The following TMEM266 variants were observed in gnomAD, a reference collection of about 807,000 sequenced individuals.
TMEM266 encodes the protein transmembrane protein 266, also known as Hv1 related protein 1.
Under a neutral mutation model 50.5 loss-of-function variants are expected in TMEM266, and 33 were observed. The ratio of observed to expected loss-of-function variants is 0.65; its 90% CI spans 0.50 to 0.87. The LOEUF (loss-of-function observed/expected upper bound fraction) is 0.87. TMEM266 is among the 40% of genes least tolerant of loss of function. The probability of loss-of-function intolerance (pLI) is 0.00; values close to 1 mark genes in which losing one functional copy is unlikely to be tolerated. For missense variants in TMEM266, 655 were observed against 695.1 expected (o/e 0.94, Z 0.65); for synonymous variants, 310 against 292.3 (o/e 1.06, Z -0.62).
chr15:76,181,573 TTG>T (rs917493489), intron 8 of TMEM266: 14 of 152,334 alleles, frequency 9.2e-5, no homozygotes, highest in Admixed American at 7.8e-4. Context: ...GTTTGTTTGT[TTG>T]TTTTTGGTGA....
intron 1 of TMEM266, among the ~76,000 whole-genome samples, chr15:76,127,464 C>A (rs1189371347): frequency 6.6e-6 from 1 of 151,996 alleles, no homozygotes; most frequent in Non-Finnish European, 1.5e-5. Context: ...GCAGCTGAGA[C>A]TATAGGTGCA....
intron 3 of TMEM266, among the ~76,000 whole-genome samples, chr15:76,156,127 G>T (rs547253711): frequency 6.6e-6 from 1 of 152,204 alleles, no homozygotes; most frequent in Admixed American, 6.5e-5. Context: ...TTGGAAGGCC[G>T]AGGTGGGCAG....
chr15:76,102,575 A>C (rs775131617), intron 1 of TMEM266, among the ~76,000 whole-genome samples: 1 of 152,142 alleles, frequency 6.6e-6, no homozygotes, highest in Non-Finnish European at 1.5e-5. Context: ...GCGGTGGCTC[A>C]TGCCTGTAAT....
chr15:76,202,052 A>ACCC (rs1244892638), intron 9 of TMEM266, 150 bp from the exon 10 acceptor site: 2 of 629,282 alleles, frequency 3.2e-6, no homozygotes, highest in East Asian at 5.7e-5. Flanking sequence ...GGTGGTCCCC[A>ACCC]TGGAGAACTA....
At position 76,203,976 on chromosome 15, in the gene TMEM266, C is replaced by T; in HGVS notation, c.1257C>T (p.Ser419=). Residue 419 remains serine, a synonymous_variant, in exon 11 of 11, where the codon TCC becomes TCT. Coordinates refer to ENST00000388942, the MANE Select transcript of TMEM266 (RefSeq NM_152335.3). ...GCAGCACTGCCCGCGAGGAGCCGTC[C>T]TCTGAGCCCGGCCCTTCTCCCCCGC... The T allele has an allele frequency of 6.2e-7, 1 of 1,610,362 alleles. No homozygotes were observed. The highest frequency in any genetic ancestry group is 1.1e-5 in the South Asian group (1 of 90,974).
chr15:76,094,631 A>G (rs2036897543), intron 1 of TMEM266, among the ~76,000 whole-genome samples: 1 of 151,970 alleles, frequency 6.6e-6, no homozygotes, highest in Non-Finnish European at 1.5e-5. Flanking sequence ...TTTTTAATGT[A>G]GTTTTTTCCA....
intron 1 of TMEM266, among the ~76,000 whole-genome samples, chr15:76,131,096 G>A (rs1376263424): frequency 6.6e-6 from 1 of 152,150 alleles, no homozygotes; most frequent in Non-Finnish European, 1.5e-5. Context: ...CTAATTTGGG[G>A]CTAGGCATGG....
intron 8 of TMEM266, among the ~76,000 whole-genome samples, chr15:76,187,648 CA>C (rs1213664725): frequency 2.6e-5 from 4 of 152,330 alleles, no homozygotes; most frequent in Middle Eastern, 3.4e-3. Context: ...TGTTGAGGTT[CA>C]GTGTCTGAGC....
chr15:76,083,459 G>A (rs2036726084), intron 1 of TMEM266, among the ~76,000 whole-genome samples: 1 of 152,060 alleles, frequency 6.6e-6, no homozygotes, highest in Non-Finnish European at 1.5e-5. Context: ...CAGGCTCACT[G>A]GCTTAATTTC....
Position 76,165,145 on chromosome 15 carries a change from A to T in TMEM266, c.457-4671A>T, listed in dbSNP as rs140501420. Among the ~76,000 whole-genome samples, 416 of 152,336 alleles carry T rather than the reference A, an allele frequency of 2.7e-3. 1 individual carries two copies. Among genetic ancestry groups the T allele is most frequent in the African/African-American group, 9.5e-3 (394 of 41,576 alleles). ...TGAGGCAGGGCCTGGACCAGGTGCA[A>T]GGCTTGGGATTTCCCACTCTCCCCT... On this transcript the variant is annotated intron_variant, in intron 5 of 10. Coordinates refer to ENST00000388942, the MANE Select transcript of TMEM266 (RefSeq NM_152335.3).
intron 8 of TMEM266, 37 bp from the exon 9 acceptor site, chr15:76,191,931 T>A (rs2038579063): frequency 1.3e-6 from 2 of 1,527,266 alleles, no homozygotes; most frequent in Non-Finnish European, 1.7e-6. Flanking sequence ...CGCCGGCCCC[T>A]CGCCGCTGAT....
intron 1 of TMEM266, among the ~76,000 whole-genome samples, chr15:76,063,450 C>G (rs947823801): frequency 6.6e-6 from 1 of 152,200 alleles, no homozygotes; most frequent in African/African-American, 2.4e-5. Flanking sequence ...TGCTGTACCC[C>G]CTGCCCCAGG....
chr15:76,107,502 G>A (rs2037101845), intron 1 of TMEM266, among the ~76,000 whole-genome samples: 1 of 152,136 alleles, frequency 6.6e-6, no homozygotes, highest in African/African-American at 2.4e-5. Flanking sequence ...TTTTCCATAT[G>A]AGCAAACTGA....
Position 76,202,196 on chromosome 15 carries a change from C to T in TMEM266, c.959-6C>T. 6.2e-7 allele frequency: 1 copy of T among 1,613,058 alleles called. No homozygotes were observed. Among genetic ancestry groups the T allele is most frequent in the Non-Finnish European group, 8.5e-7 (1 of 1,179,192 alleles). On this transcript the variant is annotated splice_polypyrimidine_tract_variant and splice_region_variant and intron_variant, in intron 9 of 10. Coordinates refer to ENST00000388942, the MANE Select transcript of TMEM266 (RefSeq NM_152335.3). ...CACTCACCCTTCTCTGTCCCCACCT[C>T]TGTAGAAGCCACGATGAAGGACGAC...
Position 76,175,544 on chromosome 15 carries a change from GTC to G in TMEM266, c.653-11_653-10del, listed in dbSNP as rs749641078. ...CCACTGCTGAATTCTTTACAGGGCT[GTC>G]TCTGTCTTCCAGCCTACGTCCTGCC... On this transcript the variant is annotated splice_polypyrimidine_tract_variant and intron_variant, in intron 7 of 10. Transcript: ENST00000388942. 5.0e-6 allele frequency: 8 copies of G among 1,606,548 alleles called. No homozygotes were observed. The Admixed American group carries it at 5.0e-5, about 10-fold the overall frequency.
At chr15:76,179,304 G>A (rs577021708) in intron 8 of TMEM266, among the ~76,000 whole-genome samples, 55 of 152,312 alleles carry the variant, frequency 3.6e-4, no homozygotes, top group African/African-American at 1.1e-3. Flanking sequence ...TGATGAGATC[G>A]TAGCCTAAAG....
chr15:76,130,988 T>A (rs2037502479), intron 1 of TMEM266, among the ~76,000 whole-genome samples: 1 of 152,222 alleles, frequency 6.6e-6, no homozygotes, highest in African/African-American at 2.4e-5. Flanking sequence ...TTGTATTTTT[T>A]AAATTTGCCT....
At chr15:76,138,723 T>TATGTGGGTCCACAATTCA (rs1235497633) in intron 3 of TMEM266, among the ~76,000 whole-genome samples, 2 of 152,244 alleles carry the variant, frequency 1.3e-5, no homozygotes, top group Non-Finnish European at 2.9e-5. Flanking sequence ...GCATGCGGAA[T>TATGTGGGTCCACAATTCA]ATGTGGGTCC....
At chr15:76,197,087 T>G (rs2038668092) in intron 9 of TMEM266, among the ~76,000 whole-genome samples, 1 of 152,184 alleles carries the variant, frequency 6.6e-6, no homozygotes, top group African/African-American at 2.4e-5. Flanking sequence ...GCGGCCAGCC[T>G]GCTCTGTGCC....
Sources: gnomAD v4.1 joint callset for allele counts (sites outside exome capture counted in the v4.1 genomes callset) on GRCh38, gnomAD v4.1.1 for gene constraint, MANE v1.5 for transcripts, NCBI Gene and HGNC (gene_info 2026-07-23, HGNC 2026-07-21) for gene names.